UTP11: variants seen among roughly 807,000 people sequenced by gnomAD.
The protein encoded by UTP11 is probable U3 small nucleolar RNA-associated protein 11.
Under a neutral mutation model 39.0 loss-of-function variants are expected in UTP11, and 29 were observed. The ratio of observed to expected loss-of-function variants is 0.74; its 90% CI spans 0.55 to 1.01. UTP11 has a LOEUF of 1.01. Ranked by LOEUF, UTP11 falls within the 50% of genes least tolerant of loss-of-function variation. The pLI is 0.00. For synonymous variants in UTP11, 111 were observed against 105.0 expected (o/e 1.06, Z -0.35); for missense variants, 281 against 306.0 (o/e 0.92, Z 0.61).
At chr1:38,018,231 G>C (rs771153209) in intron 3 of UTP11, among the ~76,000 whole-genome samples, 13 of 152,040 alleles carry the variant, frequency 8.6e-5, no homozygotes, top group Middle Eastern at 3.4e-3. Flanking sequence ...TACTGTGCCC[G>C]GCTAAGTTTT....
At chr1:38,014,748 G>A (rs576412546) in intron 1 of UTP11, among the ~76,000 whole-genome samples, 1 of 152,184 alleles carries the variant, frequency 6.6e-6, no homozygotes, top group African/African-American at 2.4e-5. Context: ...CCATTCTTTT[G>A]CCTCAGCTTC....
In UTP11 at chr1:38,019,265, A is replaced by G; in HGVS notation, c.449A>G (p.Asp150Gly). Residue 150 changes from aspartate (D) to glycine (G), a missense_variant, in exon 6 of 8, where the codon GAT becomes GGT. Asp to Gly is a moderately conservative substitution (Grantham distance 94). Coordinates refer to ENST00000373014, the MANE Select transcript of UTP11 (RefSeq NM_016037.4). ...TCTTGAATTTTAGTTGAACAGTTTGATGTCGCAACTCACCTGCAAACAGCC... is the reference window on the plus strand; with the variant it reads ...TCTTGAATTTTAGTTGAACAGTTTGGTGTCGCAACTCACCTGCAAACAGCC... ...FDTKKEVEQF[D>G]VATHLQTAPE... The G allele has an allele frequency of 6.2e-7, 1 of 1,614,102 alleles. No individual in the cohort carries two copies. Among genetic ancestry groups the G allele is most frequent in the Middle Eastern group, 1.6e-4 (1 of 6,062 alleles).
chr1:38,015,283 A>C (rs781175305), intron 1 of UTP11, among the ~76,000 whole-genome samples: 3 of 152,146 alleles, frequency 2.0e-5, no homozygotes, highest in South Asian at 2.1e-4. Flanking sequence ...TGGCCTCCCA[A>C]AGTGCTGGGA....
intron 6 of UTP11, among the ~76,000 whole-genome samples, chr1:38,022,371 A>G (rs1183041367): frequency 2.6e-5 from 4 of 151,462 alleles, no homozygotes; most frequent in African/African-American, 9.7e-5. Flanking sequence ...TCCTTTTTTA[A>G]TTTTTAATTT....
chr1:38,017,311 C>T (rs1646711971), intron 2 of UTP11: 1 of 170,072 alleles, frequency 5.9e-6, no homozygotes, highest in African/African-American at 2.4e-5. Context: ...TTCTGAATTA[C>T]ATATGGTCAT....
At chr1:38,016,512 A>T in intron 2 of UTP11, 92 bp downstream of exon 2, 1 of 1,343,608 alleles carries the variant, frequency 7.4e-7, no homozygotes, top group Non-Finnish European at 1.1e-6. Context: ...AACAGGGGAT[A>T]ATTTCCTGCC....
At chr1:38,018,762 G>A (rs1049917497) in intron 4 of UTP11, among the ~76,000 whole-genome samples, 185 bp downstream of exon 4, 10 of 152,158 alleles carry the variant, frequency 6.6e-5, no homozygotes, top group South Asian at 2.1e-4. Context: ...ACAGACCTAG[G>A]GTTTGAGTTC....
intron 7 of UTP11, among the ~76,000 whole-genome samples, chr1:38,023,125 C>T (rs141403263): frequency 6.6e-6 from 1 of 152,284 alleles, no homozygotes; most frequent in East Asian, 1.9e-4. Context: ...GCATGTCACT[C>T]ATTGGTGTTT....
chr1:38,023,440 A>G (rs1459880648), intron 7 of UTP11, 105 bp from the exon 8 acceptor site: 6 of 994,588 alleles, frequency 6.0e-6, no homozygotes, highest in African/African-American at 3.3e-5. Context: ...TCCGTTCTCA[A>G]CTTTGAGAAG....
At position 38,018,136 on chromosome 1, in the gene UTP11, C is replaced by T. The variant is rs112808576; in HGVS notation, c.229-328C>T. Among the ~76,000 whole-genome samples the T allele has an allele frequency of 9.0e-4, 136 of 151,892 alleles. 1 individual carries two copies. The highest frequency in any genetic ancestry group is 2.6e-3 in the African/African-American group (106 of 41,418). On this transcript the variant is annotated intron_variant, in intron 3 of 7. Transcript: ENST00000373014. ...CCCAGGCTGGAGTGCAGTGGTGCGA[C>T]CTCGGCTCCCTGCAACCTCTGCCTC...
intron 2 of UTP11, 44 bp from the exon 3 acceptor site, chr1:38,017,624 A>ATT (rs61711547): frequency 0.24 from 254,201 of 1,063,788 alleles, 17,364 homozygotes; most frequent in East Asian, 0.51. Flanking sequence ...AAAATTATCT[A>ATT]TTTTTTTTTT....
At position 38,017,534 on chromosome 1, in the gene UTP11, CT is replaced by C. The variant is rs370883597; in HGVS notation, c.126-130del. 4.4e-4 allele frequency: 277 copies of C among 628,284 alleles called. 2 individuals carry two copies. The highest frequency in any genetic ancestry group is 2.5e-3 in the African/African-American group (133 of 52,458). 38.9% of individuals were successfully genotyped at this position (628,284 alleles called of 1,614,324 possible). On this transcript the variant is annotated intron_variant, in intron 2 of 7. Transcript: ENST00000373014. The stretch of plus-strand genomic sequence containing the variant: ...GTGGAGTGTCCAGATCCAGTCAGTG[CT>C]TTTGGCTTTTTTGAGTTTCACTCTG...
intron 1 of UTP11, among the ~76,000 whole-genome samples, chr1:38,014,516 G>A (rs1306692169): frequency 6.6e-6 from 1 of 152,232 alleles, no homozygotes; most frequent in Non-Finnish European, 1.5e-5. Context: ...GGACATGAGA[G>A]ATTTCAAGAT....
At chr1:38,019,492 T>C in intron 6 of UTP11, 109 bp downstream of exon 6, 1 of 1,049,568 alleles carries the variant, frequency 9.5e-7, no homozygotes, top group Non-Finnish European at 1.3e-6. Context: ...AAATTTATTT[T>C]ATTTTATTTT....
At chr1:38,021,895 A>G (rs78696262) in intron 6 of UTP11, among the ~76,000 whole-genome samples, 16 of 140,260 alleles carry the variant, frequency 1.1e-4, no homozygotes, top group Non-Finnish European at 2.0e-4. Flanking sequence ...TCCGCCTCAG[A>G]AAAAAAAAAA....
intron 6 of UTP11, among the ~76,000 whole-genome samples, chr1:38,021,761 C>T (rs915872356): frequency 2.0e-5 from 3 of 152,088 alleles, no homozygotes; most frequent in South Asian, 4.1e-4. Context: ...GGCGTGGTGG[C>T]GGGCACCTGT....
intron 2 of UTP11, chr1:38,016,792 A>G: frequency 8.5e-6 from 2 of 234,454 alleles, no homozygotes; most frequent in Non-Finnish European, 1.7e-5. Context: ...TTACATCACC[A>G]TGTGTGTGAT....
chr1:38,017,805 T>G lies in UTP11; in HGVS notation c.228+35T>G, dbSNP rs373801422. On this transcript the variant is annotated intron_variant, in intron 3 of 7. Transcript: ENST00000373014. ...CAATGGCTTGGTTGGTGTTTTGAGC[T>G]CCACACATTGGAAAATAAGGACAGG... 1.2e-5 allele frequency: 19 copies of G among 1,527,424 alleles called. No individual in the cohort carries two copies. The East Asian group carries it at 2.8e-4, about 22-fold the overall frequency. The allele number at this position is 1,527,424 out of a possible 1,614,324, so 94.6% of individuals were successfully genotyped here.
chr1:38,014,099 C>G (rs944399414), intron 1 of UTP11, among the ~76,000 whole-genome samples: 16 of 152,200 alleles, frequency 1.1e-4, no homozygotes, highest in Non-Finnish European at 1.5e-4. Context: ...CCTACAACAT[C>G]CCTCTGAAGT....
Sources: allele counts gnomAD v4.1 joint callset (sites outside exome capture counted in the v4.1 genomes callset), GRCh38; gene constraint gnomAD v4.1.1; transcripts MANE v1.5; gene names NCBI Gene and HGNC (gene_info 2026-07-23, HGNC 2026-07-21).